GZF1: variants seen among roughly 807,000 people sequenced by gnomAD.
The protein encoded by GZF1 is GDNF inducible zinc finger protein 1.
Under a neutral mutation model 49.4 loss-of-function variants are expected in GZF1, and 28 were observed. That is an observed-to-expected ratio of 0.57 (90% CI 0.42 to 0.78). The LOEUF is 0.78. GZF1 is among the 30% of genes least tolerant of loss of function. The probability of loss-of-function intolerance (pLI) is 0.00; values close to 1 mark genes in which losing one functional copy is unlikely to be tolerated. For synonymous variants in GZF1, 364 were observed against 356.0 expected, an observed-to-expected ratio of 1.02 and a Z score of -0.25; for missense variants, 798 against 916.2, an observed-to-expected ratio of 0.87 and a Z score of 1.67.
In GZF1 at chr20:23,367,009, T is replaced by G. The variant is rs778646176; in HGVS notation, c.1371T>G (p.His457Gln). The G allele has an allele frequency of 6.2e-7, 1 of 1,608,266 alleles. No individual in the cohort carries two copies. The highest frequency in any genetic ancestry group is 8.5e-7 in the Non-Finnish European group (1 of 1,175,132). Residue 457 changes from histidine to glutamine, a missense_variant, in exon 3 of 6, where the codon CAT (histidine) becomes CAG (glutamine). Coordinates refer to ENST00000338121, the MANE Select transcript of GZF1 (RefSeq NM_022482.5). ...CTGAATGTTGTACTTTCAGAATTCA[T>G]ACAGGGGAAAAACCTTTTGTCTGTG... is the stretch of plus-strand genomic sequence containing the variant. The part of the protein sequence containing the change: ...PSALKTHMRI[H>Q]TGEKPFVCDE...
In GZF1 at chr20:23,369,586, G is replaced by A; in HGVS notation, c.1630G>A (p.Glu544Lys). Reference sequence around the variant, plus strand: ...AGTCTCCTCTCTCCCTGCCTCAGGGGAGCGTCCCTACTGCTGTGACCAGTG... The same window carrying A: ...AGTCTCCTCTCTCCCTGCCTCAGGGAAGCGTCCCTACTGCTGTGACCAGTG... ...LYQHIKVHTGERPYCCDQCGK... is the reference protein window; with the variant it reads ...LYQHIKVHTGKRPYCCDQCGK... The change falls in exon 5 of 6, where the codon GAG becomes AAG. Residue 544 changes from glutamate (E) to lysine (K), a missense_variant and splice_region_variant. Coordinates refer to ENST00000338121, the MANE Select transcript of GZF1 (RefSeq NM_022482.5). 6.2e-7 allele frequency: 1 copy of A among 1,609,214 alleles called. No homozygotes were observed. Among genetic ancestry groups the A allele is most frequent in the Non-Finnish European group, 8.5e-7 (1 of 1,177,362 alleles).
chr20:23,364,668 C>T lies in GZF1; in HGVS notation c.285C>T (p.Tyr95=), dbSNP rs750206786. The change falls in exon 2 of 6, where the codon TAC becomes TAT. Residue 95 remains tyrosine, a synonymous_variant. Transcript: ENST00000338121. ...ADFASFLEFV[Y]TAKVQVEEDR... ...TTGCTTCATTTCTTGAGTTTGTCTA[C>T]ACTGCAAAGGTACAGGTGGAAGAAG... is the stretch of plus-strand genomic sequence containing the variant. The T allele has an allele frequency of 6.2e-7, 1 of 1,614,248 alleles. No individual in the cohort carries two copies. The highest frequency in any genetic ancestry group is 8.5e-7 in the Non-Finnish European group (1 of 1,180,042).
chr20:23,366,067 C>T (rs1389136121), intron 2 of GZF1, among the ~76,000 whole-genome samples: 3 of 152,308 alleles, frequency 2.0e-5, no homozygotes, highest in Admixed American at 6.5e-5. Flanking sequence ...CCTGACTCTT[C>T]GTTTAGATCT....
chr20:23,369,800 A>G (rs1039015992), intron 5 of GZF1, 59 bp downstream of exon 5: 11 of 1,529,516 alleles, frequency 7.2e-6, no homozygotes, highest in African/African-American at 4.1e-5. Context: ...GCACGGAAAG[A>G]GAAATACCTA....
rs1982228349 is a variant in GZF1 at position 23,373,010 on chromosome 20, T to A, written c.*2569T>A. 6.6e-6 allele frequency: 1 copy of A among 152,252 alleles called. No homozygotes were observed. Among genetic ancestry groups the A allele is most frequent in the Non-Finnish European group, 1.5e-5 (1 of 68,032 alleles). The allele number at this position is 152,252 out of a possible 1,614,324, so 9.4% of individuals were successfully genotyped here. A position where few individuals can be genotyped will look rare whatever the true frequency, so the allele number is the denominator to read the frequency against. ...AAGTAAATTTGAGTGTATAATTTAA[T>A]TTTTAACCTGTTAAATAAACCTTGT... On this transcript the variant is annotated 3_prime_UTR_variant, in exon 6 of 6. Coordinates refer to ENST00000338121, the MANE Select transcript of GZF1 (RefSeq NM_022482.5).
chr20:23,367,913 T>A lies in GZF1; in HGVS notation c.1459+816T>A, dbSNP rs1470291936. ...TTATTCTTACCTGTAAACACTGGCT[T>A]ACAAGCCTCAAGTTCAAATGCATGT... On this transcript the variant is annotated intron_variant, in intron 3 of 5. Coordinates refer to ENST00000338121, the MANE Select transcript of GZF1 (RefSeq NM_022482.5). 3.9e-5 allele frequency among the ~76,000 whole-genome samples: 6 copies of A among 152,352 alleles called. No homozygotes were observed. The East Asian group carries it at 1.2e-3, about 29-fold the overall frequency.
At position 23,370,384 on chromosome 20, in the gene GZF1, G is replaced by A. The variant is rs1244678540; in HGVS notation, c.2079G>A (p.Leu693=). 1.9e-6 allele frequency: 3 copies of A among 1,613,910 alleles called. No individual in the cohort carries two copies. The highest frequency in any genetic ancestry group is 1.3e-5 in the African/African-American group (1 of 74,910). Residue 693 remains leucine, a synonymous_variant, in exon 6 of 6, where the codon CTG becomes CTA. Transcript: ENST00000338121. The part of the protein sequence containing the change: ...LATTISELSE[L]TPQTDSMPTQ... ...CCACCATCAGTGAGCTTAGCGAGCT[G>A]ACCCCACAGACAGACTCGATGCCCA... is the stretch of plus-strand genomic sequence containing the variant.
chr20:23,363,475 G>T (rs1186061581), intron 1 of GZF1, among the ~76,000 whole-genome samples: 1 of 152,244 alleles, frequency 6.6e-6, no homozygotes, highest in East Asian at 1.9e-4. Flanking sequence ...GCTAAAGATA[G>T]CCCTTTGCCT....
chr20:23,372,722 C>T lies in GZF1; in HGVS notation c.*2281C>T, dbSNP rs1982195915. 1 of 152,172 alleles carries T rather than the reference C, an allele frequency of 6.6e-6. No individual in the cohort carries two copies. The allele number at this position is 152,172 out of a possible 1,614,324, so 9.4% of individuals were successfully genotyped here. On this transcript the variant is annotated 3_prime_UTR_variant, in exon 6 of 6. Transcript: ENST00000338121. ...AGGCCACCATCTGAGTGGATTGGTC[C>T]CAAGTGTGTAATGAGGAAAGTGGCC...
intron 1 of GZF1, 35 bp from the exon 2 acceptor site, chr20:23,364,328 G>C: frequency 7.9e-7 from 1 of 1,270,974 alleles, no homozygotes; most frequent in Non-Finnish European, 1.1e-6. Flanking sequence ...TGCATCAGTG[G>C]TTGCTCATGC....
intron 1 of GZF1, among the ~76,000 whole-genome samples, chr20:23,363,049 C>G (rs1038137346): frequency 6.6e-6 from 1 of 152,146 alleles, no homozygotes; most frequent in Non-Finnish European, 1.5e-5. Flanking sequence ...CTCCTTCAGG[C>G]GACATTGATC....
upstream of GZF1, among the ~76,000 whole-genome samples, chr20:23,361,554 G>C (rs1275220226): frequency 6.6e-6 from 1 of 152,322 alleles, no homozygotes. Flanking sequence ...CCCCCCAGCA[G>C]GGCGGGGGCA....
chr20:23,365,454 C>T lies in GZF1; in HGVS notation c.1071C>T (p.Phe357=), dbSNP rs775077224. 95 of 1,613,602 alleles carry T rather than the reference C, an allele frequency of 5.9e-5. No individual in the cohort carries two copies. The highest frequency in any genetic ancestry group is 7.7e-5 in the South Asian group (7 of 91,088). The change falls in exon 2 of 6, where the codon TTC becomes TTT. Residue 357 remains phenylalanine (F), a synonymous_variant. Transcript: ENST00000338121. ...GCTGCGACACCTGCGGCCAGACCTT[C>T]GCCAACCGCTGCAACCTGAAGAGCC... ...VYRCDTCGQT[F]ANRCNLKSHQ... is the part of the protein sequence containing the mutation.
chr20:23,368,695 A>G (rs1183568096), intron 3 of GZF1, 67 bp from the exon 4 acceptor site: 2 of 1,250,954 alleles, frequency 1.6e-6, no homozygotes, highest in Non-Finnish European at 2.2e-6. Flanking sequence ...TTAACAGTGG[A>G]GACCTACTGT....
intron 3 of GZF1, among the ~76,000 whole-genome samples, chr20:23,368,201 TATTAA>T (rs1981632715): frequency 7.0e-6 from 1 of 143,456 alleles, no homozygotes; most frequent in Admixed American, 7.2e-5. Flanking sequence ...GGTAAGATTT[TATTAA>T]AGTCACTATT....
chr20:23,365,182 G>T lies in GZF1; in HGVS notation c.799G>T (p.Asp267Tyr). Residue 267 changes from aspartate (D) to tyrosine (Y), a missense_variant, in exon 2 of 6, where the codon GAC (aspartate) becomes TAC (tyrosine). Asp to Tyr is a radical substitution (Grantham distance 160, BLOSUM62 -3). Transcript: ENST00000338121. ...DYRCPQDQSPDRVGTEMEQVS... is the reference protein window; with the variant it reads ...DYRCPQDQSPYRVGTEMEQVS... ...CAGGTGTCCCCAGGACCAAAGCCCG[G>T]ACAGGGTGGGCACGGAGATGGAGCA... 6.2e-7 allele frequency: 1 copy of T among 1,611,082 alleles called. No individual in the cohort carries two copies. The highest frequency in any genetic ancestry group is 1.1e-5 in the South Asian group (1 of 90,814).
chr20:23,363,005 CT>C (rs1980874436), intron 1 of GZF1, among the ~76,000 whole-genome samples: 1 of 152,172 alleles, frequency 6.6e-6, no homozygotes, highest in Non-Finnish European at 1.5e-5. Flanking sequence ...CTTCCTTAGG[CT>C]TTGTCAGTGT....
chr20:23,370,589 C>T lies in GZF1; in HGVS notation c.*148C>T, dbSNP rs532578157. 7.5e-5 allele frequency: 47 copies of T among 627,690 alleles called. 2 individuals carry two copies. Among genetic ancestry groups the T allele is most frequent in the South Asian group, 4.1e-4 (21 of 51,808 alleles). 38.9% of individuals were successfully genotyped at this position (627,690 alleles called of 1,614,324 possible). On this transcript the variant is annotated 3_prime_UTR_variant, in exon 6 of 6. Transcript: ENST00000338121. Reference sequence around the variant, plus strand: ...TTTCCTGAACTTCTGCTAACTTGCACGGCTTTATCACAGCATTTTTAAAGC... The same window carrying T: ...TTTCCTGAACTTCTGCTAACTTGCATGGCTTTATCACAGCATTTTTAAAGC...
At position 23,364,783 on chromosome 20, in the gene GZF1, G is replaced by A; in HGVS notation, c.400G>A (p.Glu134Lys). 6.2e-7 allele frequency: 1 copy of A among 1,614,274 alleles called. No homozygotes were observed. The highest frequency in any genetic ancestry group is 1.1e-5 in the South Asian group (1 of 91,086). ...TCFQLKKQML[E>K]SVLLELQNFS... ...TTTTCAATTAAAGAAACAGATGTTA[G>A]AGTCAGTACTTTTGGAGTTGCAAAA... Residue 134 changes from glutamate (E) to lysine (K), a missense_variant, in exon 2 of 6, where the codon GAG becomes AAG. By Grantham distance (56) the Glu-to-Lys change is moderately conservative. This residue lies in a region of GZF1 where 247 missense variants were observed against 228.5 expected (regional missense o/e 1.08). Transcript: ENST00000338121.
Sources: allele counts gnomAD v4.1 joint callset (sites outside exome capture counted in the v4.1 genomes callset), GRCh38; gene constraint gnomAD v4.1.1; regional missense constraint gnomAD v4.1.1; transcripts MANE v1.5; gene names NCBI Gene and HGNC (gene_info 2026-07-23, HGNC 2026-07-21).